Variants in EDA observed in about 807,000 individuals in gnomAD.
EDA encodes ectodysplasin-A.
In EDA, 2 loss-of-function variants were observed where a neutral mutation model predicts 23.6. That is an observed-to-expected ratio of 0.08 (90% CI 0.03 to 0.27). The LOEUF is 0.27. Ranked by LOEUF, EDA falls within the 10% of genes least tolerant of loss-of-function variation. The pLI, the probability that EDA is intolerant of heterozygous loss-of-function variation, is 1.00. For missense variants in EDA, 229 were observed against 324.2 expected (o/e 0.71, Z 2.26); for synonymous variants, 131 against 132.0 (o/e 0.99, Z 0.05).
chrX:69,732,641 TA>T (rs765735113), intron 1 of EDA, among the ~76,000 whole-genome samples: 21 of 111,921 alleles, frequency 1.9e-4, no homozygotes, highest in Non-Finnish European at 3.9e-4. Context: ...GGTCAAATGG[TA>T]TTTCTAGTTC....
chrX:69,646,372 G>A (rs1932926955), intron 1 of EDA, among the ~76,000 whole-genome samples: 1 of 111,936 alleles, frequency 8.9e-6, no homozygotes, highest in South Asian at 3.7e-4. Context: ...TTCTGTATTA[G>A]TTGTATGTAT....
intron 1 of EDA, among the ~76,000 whole-genome samples, chrX:69,794,895 A>C (rs938883888): frequency 8.9e-6 from 1 of 112,314 alleles, no homozygotes; most frequent in African/African-American, 3.2e-5. Context: ...GGCAGAGATG[A>C]GTAGCTCACC....
chrX:69,681,698 T>C (rs1337660830), intron 1 of EDA, among the ~76,000 whole-genome samples: 3 of 110,400 alleles, frequency 2.7e-5, no homozygotes, highest in Non-Finnish European at 5.7e-5. Flanking sequence ...CTTCTCTGTA[T>C]TGGTTATTCT....
intron 1 of EDA, among the ~76,000 whole-genome samples, chrX:69,790,555 G>A (rs2015375410): frequency 9.0e-6 from 1 of 111,585 alleles, no homozygotes; most frequent in South Asian, 3.7e-4. Context: ...TGCATACCTT[G>A]TATATTACTA....
In EDA at chrX:70,035,699, T is replaced by G; in HGVS notation, c.*90T>G. 9.4e-7 allele frequency: 1 copy of G among 1,068,142 alleles called. No homozygotes were observed. The highest frequency in any genetic ancestry group is 3.0e-5 in the East Asian group (1 of 32,827). The allele number at this position is 1,068,142 out of a possible 1,213,427, so 88.0% of individuals were successfully genotyped here. A position where few individuals can be genotyped will look rare whatever the true frequency, so the allele number is the denominator to read the frequency against. On this transcript the variant is annotated 3_prime_UTR_variant, in exon 8 of 8. Coordinates refer to ENST00000374552, the MANE Select transcript of EDA (RefSeq NM_001399.5). ...CTCTAAGTGCTGCTGTGGAGTGAGGTGTATTGGTGTTGCAGCCGCAGAGAA... is the reference window on the plus strand; with the variant it reads ...CTCTAAGTGCTGCTGTGGAGTGAGGGGTATTGGTGTTGCAGCCGCAGAGAA...
chrX:69,837,356 AT>A (rs1374762006), intron 1 of EDA, among the ~76,000 whole-genome samples: 1 of 111,750 alleles, frequency 8.9e-6, no homozygotes, highest in African/African-American at 3.3e-5. Context: ...TCTGGCTTTT[AT>A]TTTGGATTCT....
chrX:69,705,223 C>CAA (rs545649412), intron 1 of EDA, among the ~76,000 whole-genome samples: 134 of 58,788 alleles, frequency 2.3e-3, no homozygotes, highest in Middle Eastern at 8.4e-3. Context: ...AACTCCATCT[C>CAA]AAAAAAAAAA....
At chrX:69,836,705 A>G (rs1217625028) in intron 1 of EDA, among the ~76,000 whole-genome samples, 1 of 112,479 alleles carries the variant, frequency 8.9e-6, no homozygotes, top group Non-Finnish European at 1.9e-5. Flanking sequence ...AGGCGATGCC[A>G]TGCCCTGCTT....
chrX:69,813,419 C>A (rs891109549), intron 1 of EDA, among the ~76,000 whole-genome samples: 1 of 111,638 alleles, frequency 9.0e-6, no homozygotes, highest in Admixed American at 9.5e-5. Flanking sequence ...CTCTCTGAGG[C>A]CTTCTTTGGC....
intron 1 of EDA, among the ~76,000 whole-genome samples, chrX:69,691,678 G>T (rs1934714091): frequency 9.0e-6 from 1 of 110,961 alleles, no homozygotes; most frequent in Non-Finnish European, 1.9e-5. Context: ...AATATCCATA[G>T]AGATAATTTG....
At chrX:69,752,170 T>A (rs762077990) in intron 1 of EDA, among the ~76,000 whole-genome samples, 19 of 111,367 alleles carry the variant, frequency 1.7e-4, no homozygotes, top group Non-Finnish European at 1.3e-4. Flanking sequence ...TCAAAGGGAA[T>A]GCTTCCAGTT....
chrX:69,616,586 T>G lies in EDA; in HGVS notation c.278T>G (p.Leu93Arg). ...GGCACCTCTGGCACCCTAAGCAGCC[T>G]CGGTGGCCTCGACCCTGACAGCCCC... is the stretch of plus-strand genomic sequence containing the variant. ...TPGTSGTLSS[L>R]GGLDPDSPIT... is the part of the protein sequence containing the mutation. The change falls in exon 1 of 8, where the codon CTC becomes CGC. Residue 93 changes from leucine (L) to arginine (R), a missense_variant. Physicochemically the swap from Leu to Arg is moderately radical, Grantham distance 102. Transcript: ENST00000374552. 1 of 1,211,271 alleles carries G rather than the reference T, an allele frequency of 8.3e-7. No homozygotes were observed. The highest frequency in any genetic ancestry group is 1.7e-5 in the African/African-American group (1 of 57,715).
At chrX:69,918,149 CT>C (rs71981189) in intron 1 of EDA, among the ~76,000 whole-genome samples, 3,804 of 73,322 alleles carry the variant, frequency 0.052, 235 homozygotes, top group African/African-American at 0.18. Context: ...CCATCCCCTG[CT>C]TTTTTTTTTT....
At chrX:70,014,538 A>AT (rs1266980629) in intron 2 of EDA, among the ~76,000 whole-genome samples, 7 of 112,113 alleles carry the variant, frequency 6.2e-5, no homozygotes, top group African/African-American at 2.3e-4. Flanking sequence ...TTCTCCTTAC[A>AT]TCCAAATGAA....
chrX:69,637,212 A>G (rs1932787292), intron 1 of EDA, among the ~76,000 whole-genome samples: 1 of 111,907 alleles, frequency 8.9e-6, no homozygotes, highest in South Asian at 3.7e-4. Flanking sequence ...AGAGAAGGAT[A>G]TATTAGGAAA....
At chrX:69,764,535 A>G (rs1190079544) in intron 1 of EDA, among the ~76,000 whole-genome samples, 1 of 109,395 alleles carries the variant, frequency 9.1e-6, no homozygotes, top group African/African-American at 3.3e-5. Context: ...GAGCCACCGC[A>G]CCCTGCCCGT....
chrX:69,673,269 T>C (rs1347466940), intron 1 of EDA, among the ~76,000 whole-genome samples: 1 of 111,682 alleles, frequency 9.0e-6, no homozygotes, highest in East Asian at 2.8e-4. Context: ...GAAGGGTCAG[T>C]AAACTAGAGG....
chrX:69,799,120 G>C lies in EDA; in HGVS notation c.397-157907G>C, dbSNP rs997874541. Among the ~76,000 whole-genome samples, 3 of 111,287 alleles carry C rather than the reference G, an allele frequency of 2.7e-5. No homozygotes were observed. The East Asian group carries it at 8.4e-4, about 31-fold the overall frequency. ...AGGATGGTCTTCAATGAATGACACT[G>C]GGAAATCTGGATAAATATATATGCA... is the stretch of plus-strand genomic sequence containing the variant. On this transcript the variant is annotated intron_variant, in intron 1 of 7. Transcript: ENST00000374552.
chrX:69,832,647 A>T (rs1258632518), intron 1 of EDA, among the ~76,000 whole-genome samples: 1 of 111,520 alleles, frequency 9.0e-6, no homozygotes. Context: ...CCATTTTCAC[A>T]ATATTGATTC....
Sources: allele counts gnomAD v4.1 joint callset (sites outside exome capture counted in the v4.1 genomes callset), GRCh38; gene constraint gnomAD v4.1.1; transcripts MANE v1.5; gene names NCBI Gene and HGNC (gene_info 2026-07-23, HGNC 2026-07-21).